The following TRAP1 variants were observed in gnomAD, a reference collection of about 807,000 sequenced individuals.
TRAP1 encodes heat shock protein 75 kDa, mitochondrial.
Under a neutral mutation model 89.1 loss-of-function variants are expected in TRAP1, and 102 were observed. The ratio of observed to expected loss-of-function variants is 1.15; its 90% CI spans 0.98 to 1.35. The LOEUF (loss-of-function observed/expected upper bound fraction) is 1.35, where lower values mean the gene tolerates loss of function less well. Among genes scored for constraint, TRAP1 ranks in the 40% most tolerant of loss-of-function variants. The probability of loss-of-function intolerance (pLI) is 0.00; values close to 1 mark genes in which losing one functional copy is unlikely to be tolerated. For synonymous variants in TRAP1, 508 were observed against 388.0 expected (o/e 1.31, Z -3.64); for missense variants, 1,256 against 945.3 (o/e 1.33, Z -4.31).
At chr16:3,674,733 C>T (rs1297879628) in intron 8 of TRAP1, 7 of 558,444 alleles carry the variant, frequency 1.3e-5, no homozygotes, top group East Asian at 1.2e-4. Flanking sequence ...GAGGACCAGC[C>T]GGGACCTGAG....
chr16:3,704,576 C>A (rs1319405391), intron 1 of TRAP1, among the ~76,000 whole-genome samples: 1 of 151,982 alleles, frequency 6.6e-6, no homozygotes, highest in Non-Finnish European at 1.5e-5. Flanking sequence ...CCAGGCATGG[C>A]TGCTCACACC....
At chr16:3,710,871 A>ATTTTTTT (rs1289903709) in intron 1 of TRAP1, among the ~76,000 whole-genome samples, 16 of 109,124 alleles carry the variant, frequency 1.5e-4, no homozygotes, top group African/African-American at 7.3e-4. Context: ...ATATATATAT[A>ATTTTTTT]TATATATATT....
chr16:3,679,837 G>T (rs2051051683), intron 4 of TRAP1, 47 bp from the exon 5 acceptor site: 1 of 1,585,618 alleles, frequency 6.3e-7, no homozygotes, highest in East Asian at 2.2e-5. Context: ...CACCTGGGGA[G>T]CCGGGTGAGT....
At chr16:3,672,180 A>G (rs1269174952) in intron 10 of TRAP1, among the ~76,000 whole-genome samples, 1 of 152,114 alleles carries the variant, frequency 6.6e-6, no homozygotes, top group Non-Finnish European at 1.5e-5. Flanking sequence ...TACTAAAAAT[A>G]CAAAAATTAG....
chr16:3,706,001 CTT>C (rs35811682), intron 1 of TRAP1, among the ~76,000 whole-genome samples: 7 of 141,856 alleles, frequency 4.9e-5, no homozygotes, highest in Non-Finnish European at 4.6e-5. Context: ...CCCTTTTTTT[CTT>C]TTTTTTTTTT....
chr16:3,673,790 G>A (rs577993714), intron 9 of TRAP1, among the ~76,000 whole-genome samples: 3 of 152,336 alleles, frequency 2.0e-5, no homozygotes, highest in African/African-American at 7.2e-5. Context: ...CTTACGGCAG[G>A]ATTTGCGGGA....
intron 3 of TRAP1, 153 bp downstream of exon 3, chr16:3,688,902 T>C (rs2051173850): frequency 3.4e-6 from 2 of 581,216 alleles, no homozygotes; most frequent in Non-Finnish European, 5.7e-6. Flanking sequence ...CTGGTAAAAC[T>C]CCTCTCACTG....
intron 1 of TRAP1, among the ~76,000 whole-genome samples, chr16:3,711,667 G>T (rs376145855): frequency 6.6e-6 from 1 of 151,638 alleles, no homozygotes; most frequent in Admixed American, 6.6e-5. Context: ...TAATACTCCC[G>T]CAAGTAGATA....
chr16:3,667,925 ATT>A (rs58782531), intron 11 of TRAP1, among the ~76,000 whole-genome samples: 657 of 65,548 alleles, frequency 0.01, 5 homozygotes, highest in African/African-American at 0.03. Context: ...TACCCGGCTG[ATT>A]TTTTTTTTTT....
rs2050955654 is a variant in TRAP1, at chr16:3,674,260, CAT to C, written c.1044+77_1044+78del. Reference sequence around the variant, plus strand: ...CATGCCCTCACACTGCCATGTTAATCATGTGACATCTGCAGAGCTGATGCCAC... The same window carrying C: ...CATGCCCTCACACTGCCATGTTAATCGTGACATCTGCAGAGCTGATGCCAC... On this transcript the variant is annotated intron_variant, in intron 9 of 17. Transcript: ENST00000246957. The C allele has an allele frequency of 3.9e-6, 6 of 1,550,888 alleles. 1 individual carries two copies. Among genetic ancestry groups the C allele is most frequent in the South Asian group, 1.2e-5 (1 of 84,290 alleles).
intron 6 of TRAP1, chr16:3,676,443 C>T (rs12923574): frequency 0.019 from 4,212 of 216,546 alleles, 61 homozygotes; most frequent in Non-Finnish European, 0.025. Context: ...CAAAAGCAGG[C>T]CTGGGGCACT....
intron 3 of TRAP1, among the ~76,000 whole-genome samples, chr16:3,686,417 A>T (rs1567235698): frequency 6.6e-6 from 1 of 152,104 alleles, no homozygotes; most frequent in Non-Finnish European, 1.5e-5. Context: ...TCCTGGACCC[A>T]AGCAATCCTC....
intron 3 of TRAP1, among the ~76,000 whole-genome samples, chr16:3,688,217 TCTCAGACTCCTGGA>T (rs1292618570): frequency 2.0e-5 from 3 of 152,034 alleles, no homozygotes; most frequent in African/African-American, 7.2e-5. Context: ...CCTAGGCTGG[TCTCAGACTCCTGGA>T]CTCACACAAT....
intron 6 of TRAP1, 141 bp downstream of exon 6, chr16:3,677,357 C>T: frequency 8.5e-7 from 1 of 1,173,460 alleles, no homozygotes. Context: ...TCACTAACTC[C>T]CCAAAATGGG....
intron 1 of TRAP1, chr16:3,710,530 T>C (rs1219740169): frequency 2.0e-5 from 3 of 152,146 alleles, no homozygotes; most frequent in Non-Finnish European, 4.4e-5. Context: ...GGTTCAGTCA[T>C]GGGCCATCAA....
intron 3 of TRAP1, 30 bp downstream of exon 3, chr16:3,689,025 A>T (rs2051175509): frequency 1.3e-6 from 2 of 1,572,842 alleles, no homozygotes; most frequent in Middle Eastern, 1.7e-4. Flanking sequence ...AAACTTTGCT[A>T]GCATCGGGCA....
intron 13 of TRAP1, chr16:3,663,973 G>A (rs1027145860): frequency 1.7e-5 from 6 of 356,910 alleles, no homozygotes; most frequent in Admixed American, 4.5e-5. Flanking sequence ...TGAGGCAGGA[G>A]AATGACCTGA....
rs373828389 is a variant in TRAP1 at position 3,676,021 on chromosome 16, C to G, written c.814+15G>C. 2 of 1,606,006 alleles carry G rather than the reference C, an allele frequency of 1.2e-6. No individual in the cohort carries two copies. The highest frequency in any genetic ancestry group is 2.2e-5 in the South Asian group (2 of 90,120). ...ATGGATCCCAGAGTGAGCCTGGGCC[C>G]GGGCTCCCGCTCACCTCGCACCCGG... On this transcript the variant is annotated intron_variant, in intron 7 of 17. Coordinates refer to ENST00000246957, the MANE Select transcript of TRAP1 (RefSeq NM_016292.3).
At chr16:3,662,663 C>G (rs753563825) in intron 15 of TRAP1, 157 of 688,684 alleles carry the variant, frequency 2.3e-4, no homozygotes, top group Non-Finnish European at 3.8e-4. Flanking sequence ...TTCACACCTG[C>G]TCTGGAGCAG....
Sources: allele counts gnomAD v4.1 joint callset (sites outside exome capture counted in the v4.1 genomes callset), GRCh38; gene constraint gnomAD v4.1.1; transcripts MANE v1.5; gene names NCBI Gene and HGNC (gene_info 2026-07-23, HGNC 2026-07-21).